VOPP1: variants seen among roughly 807,000 people sequenced by gnomAD.
VOPP1 encodes WW domain binding protein VOPP1.
Under a neutral mutation model 23.5 loss-of-function variants are expected in VOPP1, and 8 were observed. The ratio of observed to expected loss-of-function variants is 0.34; its 90% CI spans 0.20 to 0.61. The LOEUF (loss-of-function observed/expected upper bound fraction) is 0.61. Ranked by LOEUF, VOPP1 falls within the 20% of genes least tolerant of loss-of-function variation. The pLI, the probability that VOPP1 is intolerant of heterozygous loss-of-function variation, is 0.78. For missense variants in VOPP1, 174 were observed against 238.1 expected (o/e 0.73, Z 1.77); for synonymous variants, 83 against 97.3 (o/e 0.85, Z 0.86).
chr7:55,511,114 A>G (rs1008538011), intron 2 of VOPP1, among the ~76,000 whole-genome samples: 2 of 152,206 alleles, frequency 1.3e-5, no homozygotes, highest in African/African-American at 4.8e-5. Context: ...TTTTGACTTA[A>G]ACAGAAGGGA....
At chr7:55,526,468 T>C (rs1796199041) in intron 1 of VOPP1, among the ~76,000 whole-genome samples, 1 of 152,166 alleles carries the variant, frequency 6.6e-6, no homozygotes, top group South Asian at 2.1e-4. Flanking sequence ...AGGACAACAC[T>C]GATGTTGAGT....
intron 4 of VOPP1, among the ~76,000 whole-genome samples, chr7:55,463,290 A>T (rs995595177): frequency 1.3e-5 from 2 of 152,176 alleles, no homozygotes; most frequent in African/African-American, 4.8e-5. Flanking sequence ...TTTTCATTCA[A>T]ACCTGTTCCT....
At chr7:55,491,248 C>A (rs1027084974) in intron 4 of VOPP1, among the ~76,000 whole-genome samples, 9 of 152,170 alleles carry the variant, frequency 5.9e-5, no homozygotes, top group African/African-American at 1.9e-4. Flanking sequence ...ATAAGACCTA[C>A]CCTCTTAGCA....
At chr7:55,456,955 C>T (rs1037648464) in intron 4 of VOPP1, among the ~76,000 whole-genome samples, 9 of 152,042 alleles carry the variant, frequency 5.9e-5, no homozygotes, top group African/African-American at 1.4e-4. Flanking sequence ...TAATAATATT[C>T]TCTTCTAGCT....
chr7:55,551,028 C>T (rs542188332), intron 1 of VOPP1, among the ~76,000 whole-genome samples: 5 of 152,180 alleles, frequency 3.3e-5, no homozygotes, highest in South Asian at 2.1e-4. Flanking sequence ...TGGTGACAGG[C>T]GAAGGGGCAC....
chr7:55,498,018 GGGA>G (rs1213330247), intron 2 of VOPP1, among the ~76,000 whole-genome samples: 3 of 152,230 alleles, frequency 2.0e-5, no homozygotes, highest in Admixed American at 6.5e-5. Context: ...GACTGCTGCT[GGGA>G]GGAGGCTCCA....
At chr7:55,550,881 T>C (rs763313444) in intron 1 of VOPP1, among the ~76,000 whole-genome samples, 15 of 152,198 alleles carry the variant, frequency 9.9e-5, no homozygotes, top group Non-Finnish European at 2.1e-4. Context: ...TTAGGCTTAT[T>C]TTCATAATAA....
At chr7:55,485,824 T>C (rs1793097592) in intron 4 of VOPP1, among the ~76,000 whole-genome samples, 1 of 152,214 alleles carries the variant, frequency 6.6e-6, no homozygotes, top group South Asian at 2.1e-4. Context: ...TTGGCCCACA[T>C]TTTCCCTCAT....
In VOPP1 at chr7:55,471,476, C is replaced by G. The variant is rs1225516469; in HGVS notation, c.*1379G>C. On this transcript the variant is annotated 3_prime_UTR_variant, in exon 5 of 5. Transcript: ENST00000285279. ...ATTTCTCAAGAGGCTCTGATTAGTT[C>G]ATTAAAAAATAAGCACCCCCACCTC... 1 of 152,180 alleles carries G rather than the reference C, an allele frequency of 6.6e-6. No homozygotes were observed. Among genetic ancestry groups the G allele is most frequent in the Non-Finnish European group, 1.5e-5 (1 of 68,052 alleles). 9.4% of individuals were successfully genotyped at this position (152,180 alleles called of 1,614,324 possible).
chr7:55,439,043 C>T (rs977665626), intron 4 of VOPP1, among the ~76,000 whole-genome samples: 3 of 152,134 alleles, frequency 2.0e-5, no homozygotes, highest in African/African-American at 7.2e-5. Context: ...CGGTTGTACG[C>T]ACATTGAGTT....
intron 2 of VOPP1, among the ~76,000 whole-genome samples, chr7:55,518,974 G>A (rs1795658767): frequency 6.6e-6 from 1 of 152,200 alleles, no homozygotes; most frequent in South Asian, 2.1e-4. Flanking sequence ...GAACAGAGGG[G>A]AGAAACAGAA....
intron 2 of VOPP1, among the ~76,000 whole-genome samples, chr7:55,504,279 G>A (rs550811248): frequency 7.2e-5 from 11 of 152,254 alleles, no homozygotes; most frequent in South Asian, 4.1e-4. Context: ...AGCTGAGCCC[G>A]CAGCACATAC....
intron 1 of VOPP1, among the ~76,000 whole-genome samples, chr7:55,571,186 C>G (rs893747208): frequency 2.0e-5 from 3 of 152,156 alleles, no homozygotes; most frequent in Non-Finnish European, 2.9e-5. Context: ...TATTTCCGAA[C>G]AGAAACAGGA....
intron 1 of VOPP1, chr7:55,521,576 C>A (rs1167918643): frequency 3.0e-6 from 3 of 988,512 alleles, no homozygotes; most frequent in Admixed American, 1.2e-4. Context: ...CGCATTCCGA[C>A]CTACGTCTGC....
At chr7:55,454,600 C>T (rs1360020634) in intron 4 of VOPP1, among the ~76,000 whole-genome samples, 2 of 152,140 alleles carry the variant, frequency 1.3e-5, no homozygotes, top group South Asian at 2.1e-4. Context: ...GCTTATGTAC[C>T]ATGATCAAGT....
intron 1 of VOPP1, among the ~76,000 whole-genome samples, chr7:55,551,793 A>C (rs1220703359): frequency 6.6e-6 from 1 of 152,160 alleles, no homozygotes; most frequent in Non-Finnish European, 1.5e-5. Flanking sequence ...TAATCCCAGC[A>C]CTTTGGGAGG....
chr7:55,541,447 A>C (rs746386793), intron 1 of VOPP1, among the ~76,000 whole-genome samples: 1 of 152,248 alleles, frequency 6.6e-6, no homozygotes, highest in Non-Finnish European at 1.5e-5. Flanking sequence ...GACTATAATA[A>C]AAAAGACAGA....
chr7:55,545,868 A>G (rs1243930481), intron 1 of VOPP1, among the ~76,000 whole-genome samples: 1 of 151,972 alleles, frequency 6.6e-6, no homozygotes, highest in Non-Finnish European at 1.5e-5. Context: ...CAGGAGTTTG[A>G]GACCAGCCCG....
intron 4 of VOPP1, among the ~76,000 whole-genome samples, chr7:55,449,537 G>A (rs1791190095): frequency 6.6e-6 from 1 of 152,246 alleles, no homozygotes; most frequent in Non-Finnish European, 1.5e-5. Context: ...AGCGGGCGCA[G>A]GACAGATGGG....
Sources: gnomAD v4.1 joint callset for allele counts (sites outside exome capture counted in the v4.1 genomes callset) on GRCh38, gnomAD v4.1.1 for gene constraint, MANE v1.5 for transcripts, NCBI Gene and HGNC (gene_info 2026-07-23, HGNC 2026-07-21) for gene names.